MDFIC2: variants seen among roughly 807,000 people sequenced by gnomAD.
The protein encoded by MDFIC2 is MyoD family inhibitor domain containing 2.
chr3:70,213,129 T>C (rs936454121), intron 2 of MDFIC2, among the ~76,000 whole-genome samples: 1 of 152,036 alleles, frequency 6.6e-6, no homozygotes, highest in Non-Finnish European at 1.5e-5. Context: ...CTCCCTCCTC[T>C]GTCTCTCTTT....
At chr3:70,223,454 A>G (rs1325768642) in intron 2 of MDFIC2, among the ~76,000 whole-genome samples, 1 of 152,242 alleles carries the variant, frequency 6.6e-6, no homozygotes, top group Non-Finnish European at 1.5e-5. Flanking sequence ...ATGAGATAGA[A>G]TTAAAAATGA....
At chr3:70,249,079 C>T (rs993848891) in intron 2 of MDFIC2, 1 of 152,138 alleles carries the variant, frequency 6.6e-6, no homozygotes, top group Non-Finnish European at 1.5e-5. Context: ...GTCCTTCTAA[C>T]CACAAAGTCC....
intron 2 of MDFIC2, among the ~76,000 whole-genome samples, chr3:70,236,078 G>C (rs1027823461): frequency 1.3e-5 from 2 of 151,572 alleles, no homozygotes; most frequent in African/African-American, 4.9e-5. Context: ...CACGACCTTG[G>C]CTTTAGCTCT....
intron 2 of MDFIC2, among the ~76,000 whole-genome samples, chr3:70,247,357 G>A (rs905520575): frequency 6.6e-6 from 1 of 151,970 alleles, no homozygotes; most frequent in South Asian, 2.1e-4. Context: ...AGTTCTGAAT[G>A]GTTAATGCGG....
At chr3:70,276,366 G>A (rs1702026094) in intron 2 of MDFIC2, among the ~76,000 whole-genome samples, 1 of 151,976 alleles carries the variant, frequency 6.6e-6, no homozygotes, top group Non-Finnish European at 1.5e-5. Flanking sequence ...CTTACTTCTG[G>A]AAATGTATGT....
At chr3:70,203,014 G>A (rs1053743183) in intron 3 of MDFIC2, among the ~76,000 whole-genome samples, 1 of 152,036 alleles carries the variant, frequency 6.6e-6, no homozygotes, top group African/African-American at 2.4e-5. Context: ...ATGATTAGGA[G>A]GTGGGAGGGA....
intron 3 of MDFIC2, among the ~76,000 whole-genome samples, chr3:70,202,471 C>CT (rs1157473079): frequency 6.6e-6 from 1 of 152,104 alleles, no homozygotes; most frequent in African/African-American, 2.4e-5. Context: ...CTGTATTTGA[C>CT]TTTTCTGCTC....
At chr3:70,282,722 G>T (rs1037504291) in intron 2 of MDFIC2, among the ~76,000 whole-genome samples, 1 of 152,146 alleles carries the variant, frequency 6.6e-6, no homozygotes, top group Admixed American at 6.6e-5. Flanking sequence ...TGCCCTTCTT[G>T]CTTATTTGTC....
chr3:70,209,364 C>A (rs1180162238), intron 2 of MDFIC2, among the ~76,000 whole-genome samples: 2 of 152,048 alleles, frequency 1.3e-5, no homozygotes, highest in Non-Finnish European at 2.9e-5. Flanking sequence ...GGTTGAAAAG[C>A]ACTGCTTTAC....
chr3:70,224,943 A>T (rs990654630), intron 2 of MDFIC2, among the ~76,000 whole-genome samples: 1 of 152,124 alleles, frequency 6.6e-6, no homozygotes, highest in Non-Finnish European at 1.5e-5. Context: ...CAGATTCATT[A>T]GTTTTGACTA....
At chr3:70,227,145 A>G (rs1261072690) in intron 2 of MDFIC2, among the ~76,000 whole-genome samples, 2 of 152,212 alleles carry the variant, frequency 1.3e-5, no homozygotes, top group East Asian at 3.9e-4. Context: ...TACAGGTTAA[A>G]GCAGGACTAC....
At chr3:70,208,385 T>C (rs1438527983) in intron 2 of MDFIC2, among the ~76,000 whole-genome samples, 1 of 152,100 alleles carries the variant, frequency 6.6e-6, no homozygotes, top group Non-Finnish European at 1.5e-5. Flanking sequence ...TATTTCCCTT[T>C]CCAAGGTTGT....
intron 2 of MDFIC2, among the ~76,000 whole-genome samples, chr3:70,290,984 G>A (rs894861955): frequency 2.0e-4 from 31 of 152,232 alleles, no homozygotes; most frequent in Middle Eastern, 3.4e-3. Flanking sequence ...AGATGAACCC[G>A]GTACCTCAGA....
chr3:70,241,555 G>A (rs1378880829), intron 2 of MDFIC2, among the ~76,000 whole-genome samples: 1 of 152,050 alleles, frequency 6.6e-6, no homozygotes, highest in African/African-American at 2.4e-5. Flanking sequence ...CATTGCTAAA[G>A]GTATTCTTGT....
At chr3:70,251,764 G>A (rs900239309) in intron 2 of MDFIC2, among the ~76,000 whole-genome samples, 2 of 152,214 alleles carry the variant, frequency 1.3e-5, no homozygotes, top group African/African-American at 4.8e-5. Flanking sequence ...TGAGGAACCT[G>A]TAGAACGGAC....
chr3:70,243,201 T>A (rs936740280), intron 2 of MDFIC2, among the ~76,000 whole-genome samples: 1 of 152,266 alleles, frequency 6.6e-6, no homozygotes, highest in Non-Finnish European at 1.5e-5. Flanking sequence ...TTAAGGTCTG[T>A]TGAGGATTGG....
chr3:70,303,914 C>T (rs543119539), intron 2 of MDFIC2, among the ~76,000 whole-genome samples: 17 of 152,220 alleles, frequency 1.1e-4, no homozygotes, highest in Admixed American at 2.6e-4. Context: ...AACTCCTGAC[C>T]TCAAGTGATC....
Position 70,292,888 on chromosome 3 carries a change from C to G in MDFIC2, c.88+18998G>C, listed in dbSNP as rs886276904. Among the ~76,000 whole-genome samples, 3 of 151,764 alleles carry G rather than the reference C, an allele frequency of 2.0e-5. No homozygotes were observed. The South Asian group carries it at 6.2e-4, about 32-fold the overall frequency. On this transcript the variant is annotated intron_variant, in intron 2 of 3. Transcript: ENST00000567252. ...ATAGAAATACTATATAATGAACTTT[C>G]AATAATAGCTTTAGAATATTTATGA...
intron 2 of MDFIC2, among the ~76,000 whole-genome samples, chr3:70,264,597 A>G (rs1292922464): frequency 6.6e-6 from 1 of 152,254 alleles, no homozygotes; most frequent in Non-Finnish European, 1.5e-5. Context: ...CAGGCCATAT[A>G]CTAAGTCACT....
Sources: gnomAD v4.1 joint callset for allele counts (sites outside exome capture counted in the v4.1 genomes callset) on GRCh38, gnomAD v4.1.1 for gene constraint, MANE v1.5 for transcripts, NCBI Gene and HGNC (gene_info 2026-07-23, HGNC 2026-07-21) for gene names.